Variants in NRTN observed in about 807,000 individuals in gnomAD.
The protein encoded by NRTN is neurturin, also known as prepro-neurturin.
Under a neutral mutation model 7.5 loss-of-function variants are expected in NRTN, and 3 were observed. The ratio of observed to expected loss-of-function variants is 0.40; its 90% confidence interval spans 0.18 to 1.03. The LOEUF (loss-of-function observed/expected upper bound fraction) is 1.03. NRTN is among the 50% of genes least tolerant of loss of function. NRTN has a pLI of 0.34. For missense variants in NRTN, 310 were observed against 307.0 expected (o/e 1.01, Z -0.07); for synonymous variants, 157 against 146.6 (o/e 1.07, Z -0.51).
intron 1 of NRTN, among the ~76,000 whole-genome samples, chr19:5,808,373 AGGCCAGCCCTGGGGCAGCCT>A (rs1254630317): frequency 3.3e-5 from 5 of 152,126 alleles, no homozygotes; most frequent in Non-Finnish European, 7.4e-5. Context: ...GATGCCTCCG[AGGCCAGCCCTGGGGCAGCCT>A]GGCCAGCCCC....
intron 1 of NRTN, among the ~76,000 whole-genome samples, chr19:5,823,045 G>GAA (rs2057031176): frequency 6.9e-6 from 1 of 145,698 alleles, no homozygotes; most frequent in African/African-American, 2.6e-5. Context: ...AAGAGAGAGA[G>GAA]AGAAAGAAAG....
At chr19:5,808,948 G>C (rs2056981973) in intron 1 of NRTN, among the ~76,000 whole-genome samples, 1 of 151,810 alleles carries the variant, frequency 6.6e-6, no homozygotes, top group Non-Finnish European at 1.5e-5. Context: ...GTAAGGACGG[G>C]GTTTCACTGT....
intron 1 of NRTN, among the ~76,000 whole-genome samples, chr19:5,814,540 G>A (rs566528749): frequency 1.4e-4 from 22 of 152,226 alleles, no homozygotes; most frequent in Non-Finnish European, 2.8e-4. Context: ...GTGCCCGGCA[G>A]GTGTCCCCTG....
intron 1 of NRTN, among the ~76,000 whole-genome samples, chr19:5,810,516 A>G (rs2144756421): frequency 6.6e-6 from 1 of 152,142 alleles, no homozygotes; most frequent in East Asian, 1.9e-4. Flanking sequence ...CATGTTTTTC[A>G]GGGACTGTGG....
In NRTN at chr19:5,828,157, A is replaced by AGTGCGCCTGCGT; in HGVS notation, c.582_593dup (p.Cys194_Val197dup). The AGTGCGCCTGCGT allele has an allele frequency of 6.5e-7, 1 of 1,529,682 alleles. No homozygotes were observed. The highest frequency in any genetic ancestry group is 8.7e-7 in the Non-Finnish European group (1 of 1,144,092). The allele number at this position is 1,529,682 out of a possible 1,614,324, so 94.8% of individuals were successfully genotyped here. ...ACGGTGCACGAGCTGTCGGCGCGCG[A>AGTGCGCCTGCGT]GTGCGCCTGCGTGTGACCCTACCTC... On this transcript the variant is annotated inframe_insertion, in exon 3 of 3. Transcript: ENST00000303212.
Position 5,824,174 on chromosome 19 carries a change from C to G in NRTN, c.9C>G (p.Arg3=), listed in dbSNP as rs1331958229. The change falls in exon 2 of 3, where the codon CGC becomes CGG. Residue 3 remains arginine (R), a synonymous_variant. Transcript: ENST00000303212. The part of the protein sequence containing the change: MQ[R]WKAAALASVL... ...GTGCCCGCAGGCTGAGGATGCAGCG[C>G]TGGAAGGCGGCGGCCTTGGCCTCAG... 1.9e-6 allele frequency: 3 copies of G among 1,608,454 alleles called. No individual in the cohort carries two copies. Among genetic ancestry groups the G allele is most frequent in the Non-Finnish European group, 2.5e-6 (3 of 1,179,900 alleles).
rs536269333 is a variant in NRTN at position 5,809,051 on chromosome 19, G to A, written c.-399+3600G>A. Among the ~76,000 whole-genome samples, 50 of 150,190 alleles carry A rather than the reference G, an allele frequency of 3.3e-4. 1 individual carries two copies. Among genetic ancestry groups the A allele is most frequent in the African/African-American group, 9.0e-4 (37 of 40,894 alleles). On this transcript the variant is annotated intron_variant, in intron 1 of 2. Transcript: ENST00000303212. ...ATTACAGGTGTGAGCCACTGCGCCC[G>A]TCCAATGGTGGCATCTTTACTGTCA... is the stretch of plus-strand genomic sequence containing the variant.
chr19:5,821,996 C>T (rs183703473), intron 1 of NRTN, among the ~76,000 whole-genome samples: 3 of 152,228 alleles, frequency 2.0e-5, no homozygotes, highest in Admixed American at 6.5e-5. Flanking sequence ...CCTCGGTTTC[C>T]CTAGCTGTAA....
chr19:5,818,560 G>A (rs1407943221), intron 1 of NRTN, among the ~76,000 whole-genome samples: 1 of 152,026 alleles, frequency 6.6e-6, no homozygotes, highest in African/African-American at 2.4e-5. Flanking sequence ...GTACCCCTGT[G>A]TGTGTGGCCA....
chr19:5,818,358 TG>T (rs2057012880), intron 1 of NRTN, among the ~76,000 whole-genome samples: 1 of 151,834 alleles, frequency 6.6e-6, no homozygotes, highest in Non-Finnish European at 1.5e-5. Flanking sequence ...AGTGTGTGAG[TG>T]TGTGTATACG....
At chr19:5,809,646 G>A (rs1452599172) in intron 1 of NRTN, among the ~76,000 whole-genome samples, 2 of 152,180 alleles carry the variant, frequency 1.3e-5, no homozygotes, top group Non-Finnish European at 2.9e-5. Context: ...CACACAGTAG[G>A]CGCTCAATAA....
intron 1 of NRTN, among the ~76,000 whole-genome samples, chr19:5,811,931 G>A (rs534994053): frequency 2.7e-4 from 41 of 151,320 alleles, no homozygotes; most frequent in African/African-American, 7.5e-4. Context: ...GTACAGTGGC[G>A]CGATCTTGGC....
At chr19:5,819,635 CCTGGG>C (rs1185564839) in intron 1 of NRTN, among the ~76,000 whole-genome samples, 6 of 151,602 alleles carry the variant, frequency 4.0e-5, no homozygotes, top group Non-Finnish European at 8.8e-5. Flanking sequence ...TGCACTCCAG[CCTGGG>C]CAACAAGAGC....
chr19:5,822,760 G>T (rs1480438015), intron 1 of NRTN, among the ~76,000 whole-genome samples: 1 of 152,188 alleles, frequency 6.6e-6, no homozygotes, highest in Non-Finnish European at 1.5e-5. Context: ...CAGCTCTTTG[G>T]GAGGCCAAAG....
intron 1 of NRTN, among the ~76,000 whole-genome samples, chr19:5,817,533 AAAAG>A (rs559083362): frequency 6.9e-5 from 10 of 145,230 alleles, no homozygotes; most frequent in East Asian, 6.2e-4. Flanking sequence ...GAGAGGAAGA[AAAAG>A]AAAGAGAAAG....
chr19:5,824,183 G>A lies in NRTN; in HGVS notation c.18G>A (p.Ala6=), dbSNP rs772116885. 2.7e-5 allele frequency: 43 copies of A among 1,609,610 alleles called. No homozygotes were observed. In the East Asian group the frequency reaches 6.9e-4, roughly 26 times the overall value. ...GGCTGAGGATGCAGCGCTGGAAGGCGGCGGCCTTGGCCTCAGTGCTCTGCA... is the reference window on the plus strand; with the variant it reads ...GGCTGAGGATGCAGCGCTGGAAGGCAGCGGCCTTGGCCTCAGTGCTCTGCA... MQRWK[A]AALASVLCSS... The change falls in exon 2 of 3, where the codon GCG becomes GCA. Residue 6 remains alanine, a synonymous_variant. Transcript: ENST00000303212.
intron 2 of NRTN, among the ~76,000 whole-genome samples, chr19:5,824,955 T>A (rs565521494): frequency 6.6e-6 from 1 of 151,718 alleles, no homozygotes; most frequent in Admixed American, 6.6e-5. Flanking sequence ...CAGATGGAGA[T>A]TAGACCTGGG....
chr19:5,808,787 G>A (rs1490673401), intron 1 of NRTN, among the ~76,000 whole-genome samples: 6 of 138,638 alleles, frequency 4.3e-5, no homozygotes, highest in African/African-American at 1.1e-4. Context: ...AGACAGTCTC[G>A]CTCTGTCACC....
intron 1 of NRTN, among the ~76,000 whole-genome samples, chr19:5,818,441 TA>T (rs2057013126): frequency 6.6e-6 from 1 of 152,068 alleles, no homozygotes; most frequent in South Asian, 2.1e-4. Flanking sequence ...CACACAAGTG[TA>T]AGCCTGACAG....
Sources: gnomAD v4.1 joint callset for allele counts (sites outside exome capture counted in the v4.1 genomes callset) on GRCh38, gnomAD v4.1.1 for gene constraint, MANE v1.5 for transcripts, NCBI Gene and HGNC (gene_info 2026-07-23, HGNC 2026-07-21) for gene names.